The following ZNF438 variants were observed in gnomAD, a reference collection of about 807,000 sequenced individuals.
The protein encoded by ZNF438 is zinc finger protein 438.
ZNF438 carries 25 observed loss-of-function variants against 38.0 expected under a neutral mutation model. The ratio of observed to expected loss-of-function variants is 0.66; its 90% confidence interval spans 0.48 to 0.92. The LOEUF (loss-of-function observed/expected upper bound fraction) is 0.92, where lower values mean the gene tolerates loss of function less well. Among genes scored for constraint, ZNF438 ranks in the 40% least tolerant of loss-of-function variants. The pLI, the probability that ZNF438 is intolerant of heterozygous loss-of-function variation, is 0.00. For missense variants in ZNF438, 1,007 were observed against 999.6 expected (o/e 1.01, Z -0.10); for synonymous variants, 372 against 364.1 (o/e 1.02, Z -0.25).
At chr10:30,938,517 C>G (rs1276878189) in intron 2 of ZNF438, among the ~76,000 whole-genome samples, 1 of 152,022 alleles carries the variant, frequency 6.6e-6, no homozygotes, top group African/African-American at 2.4e-5. Context: ...CTCAGGTGAT[C>G]TGCCCGCCTT....
upstream of ZNF438, chr10:31,031,970 C>G (rs764691108): frequency 6.6e-6 from 1 of 152,184 alleles, no homozygotes; most frequent in African/African-American, 2.4e-5. Context: ...GGGAGACACG[C>G]CCCCGAGCTC....
At chr10:30,894,522 A>G (rs1284339482) in intron 3 of ZNF438, among the ~76,000 whole-genome samples, 1 of 152,210 alleles carries the variant, frequency 6.6e-6, no homozygotes, top group Non-Finnish European at 1.5e-5. Flanking sequence ...TAAATGCTGG[A>G]GGACAGCGAT....
intron 3 of ZNF438, among the ~76,000 whole-genome samples, chr10:30,905,818 G>C (rs997819856): frequency 2.0e-5 from 3 of 152,098 alleles, no homozygotes; most frequent in Admixed American, 1.3e-4. Flanking sequence ...CAAGACTACT[G>C]GCTGAAAAGA....
intron 1 of ZNF438, among the ~76,000 whole-genome samples, chr10:31,006,781 G>GC (rs1351990910): frequency 3.2e-5 from 4 of 126,208 alleles, no homozygotes; most frequent in Non-Finnish European, 5.1e-5. Context: ...CGGGGGGCGG[G>GC]GGGGGGAACT....
Position 30,849,108 on chromosome 10 carries a change from A to AT in ZNF438, c.1296dup (p.Tyr433IlefsTer3). The AT allele has an allele frequency of 1.2e-6, 2 of 1,613,788 alleles. No homozygotes were observed. Among genetic ancestry groups the AT allele is most frequent in the Non-Finnish European group, 1.7e-6 (2 of 1,180,000 alleles). On this transcript the variant is annotated frameshift_variant, in exon 5 of 6. Coordinates refer to ENST00000413025, the Ensembl canonical transcript of ZNF438. LOFTEE classifies it high-confidence loss of function. Reference sequence around the variant, plus strand: ...ATAGGTTTGGGCATAATGCTACGGTATTTTTTCAGGGTCCCCAGCTTTTGG... The same window carrying AT: ...ATAGGTTTGGGCATAATGCTACGGTATTTTTTTCAGGGTCCCCAGCTTTTGG...
Position 30,888,362 on chromosome 10 carries a change from A to ACACACACACACACACAC in ZNF438, c.-31-11298_-31-11297insGTGTGTGTGTGTGTGTG, listed in dbSNP as rs1564574714. 4.4e-3 allele frequency among the ~76,000 whole-genome samples: 162 copies of ACACACACACACACACAC among 36,536 alleles called. 1 individual carries two copies. Among genetic ancestry groups the ACACACACACACACACAC allele is most frequent in the African/African-American group, 0.011 (146 of 13,534 alleles). The allele number at this position is 36,536 out of a possible 152,430, so 24.0% of individuals were successfully genotyped here. On this transcript the variant is annotated intron_variant, in intron 3 of 5. Transcript: ENST00000413025. ...TATTATAAACACACACACACACACAAACACACACATTTAGCTTTTATTTTA... is the reference window on the plus strand; with the variant it reads ...TATTATAAACACACACACACACACAACACACACACACACACACACACACACATTTAGCTTTTATTTTA...
At chr10:30,853,852 G>A (rs558112018) in intron 4 of ZNF438, among the ~76,000 whole-genome samples, 24 of 151,938 alleles carry the variant, frequency 1.6e-4, no homozygotes, top group Non-Finnish European at 5.9e-5. Context: ...AAAATTAGCC[G>A]AGTGTGGTGG....
At chr10:30,984,167 T>C (rs1396576415) in intron 1 of ZNF438, among the ~76,000 whole-genome samples, 4 of 152,174 alleles carry the variant, frequency 2.6e-5, no homozygotes, top group Non-Finnish European at 5.9e-5. Context: ...TAAAATTCCC[T>C]GGGAAATATG....
chr10:31,005,592 A>G (rs1430005567), intron 1 of ZNF438, among the ~76,000 whole-genome samples: 1 of 152,204 alleles, frequency 6.6e-6, no homozygotes, highest in Non-Finnish European at 1.5e-5. Flanking sequence ...AATGTATGAC[A>G]TGAGGACTAT....
intron 5 of ZNF438, among the ~76,000 whole-genome samples, chr10:30,848,014 C>T (rs1398161153): frequency 2.0e-5 from 3 of 152,288 alleles, no homozygotes; most frequent in South Asian, 2.1e-4. Context: ...CAGAGGTTTC[C>T]GGCTGGTGAA....
At chr10:30,982,882 T>G (rs2052370657) in intron 1 of ZNF438, among the ~76,000 whole-genome samples, 1 of 152,214 alleles carries the variant, frequency 6.6e-6, no homozygotes, top group Non-Finnish European at 1.5e-5. Flanking sequence ...TTCTGTATTA[T>G]TTTAGCTCAA....
At chr10:30,848,986 T>A (rs1464384478) in exon 5 of ZNF438, 1 of 1,614,040 alleles carries the variant, frequency 6.2e-7, no homozygotes, top group East Asian at 2.2e-5. Flanking sequence ...TAGGAGTGAG[T>A]GAATTATTTA....
At chr10:30,847,283 T>C (rs967302850) in intron 5 of ZNF438, among the ~76,000 whole-genome samples, 1 of 151,914 alleles carries the variant, frequency 6.6e-6, no homozygotes, top group Non-Finnish European at 1.5e-5. Flanking sequence ...GCATTTCCTC[T>C]CCTCTGAGGC....
chr10:30,847,093 A>G (rs938387460), intron 5 of ZNF438, among the ~76,000 whole-genome samples: 2 of 152,180 alleles, frequency 1.3e-5, no homozygotes, highest in Non-Finnish European at 1.5e-5. Context: ...TGGGTGCCAT[A>G]AACAGAAGCA....
At chr10:31,012,519 C>T (rs894415988) in intron 1 of ZNF438, among the ~76,000 whole-genome samples, 8 of 152,060 alleles carry the variant, frequency 5.3e-5, no homozygotes, top group African/African-American at 1.5e-4. Context: ...CGTCTACCTC[C>T]CCATTGGAAT....
At chr10:30,920,918 A>C (rs1488864741) in intron 2 of ZNF438, 1 of 152,232 alleles carries the variant, frequency 6.6e-6, no homozygotes, top group Non-Finnish European at 1.5e-5. Flanking sequence ...CAATCAATGT[A>C]GTTTTGTTCA....
chr10:30,888,902 G>C (rs2040314871), intron 3 of ZNF438, among the ~76,000 whole-genome samples: 1 of 152,184 alleles, frequency 6.6e-6, no homozygotes. Flanking sequence ...TGATGGGATT[G>C]CTGGATCCAA....
chr10:30,878,922 T>C (rs1588961696), intron 3 of ZNF438, among the ~76,000 whole-genome samples: 1 of 152,150 alleles, frequency 6.6e-6, no homozygotes, highest in Middle Eastern at 3.4e-3. Flanking sequence ...AAATCCTGCA[T>C]CATCAGGTCA....
intron 1 of ZNF438, among the ~76,000 whole-genome samples, chr10:30,998,499 C>T (rs376104123): frequency 1.2e-4 from 15 of 121,742 alleles, no homozygotes; most frequent in African/African-American, 4.1e-4. Context: ...GCCGAGATCA[C>T]GCCCCTGCAC....
Sources: gnomAD v4.1 joint callset for allele counts (sites outside exome capture counted in the v4.1 genomes callset) on GRCh38, gnomAD v4.1.1 for gene constraint, MANE v1.5 for transcripts, NCBI Gene and HGNC (gene_info 2026-07-23, HGNC 2026-07-21) for gene names.